The following EDAR variants were observed in gnomAD, a reference collection of about 807,000 sequenced individuals.
EDAR encodes the protein tumor necrosis factor receptor superfamily member EDAR.
In EDAR, 38 loss-of-function variants were observed where a neutral mutation model predicts 51.3. The ratio of observed to expected loss-of-function variants is 0.74; its 90% CI spans 0.57 to 0.97. The LOEUF is 0.97. Ranked by LOEUF, EDAR falls within the 50% of genes least tolerant of loss-of-function variation. The pLI, the probability that EDAR is intolerant of heterozygous loss-of-function variation, is 0.00. For missense variants in EDAR, 528 were observed against 595.0 expected (o/e 0.89, Z 1.17); for synonymous variants, 227 against 242.1 (o/e 0.94, Z 0.58).
At chr2:108,931,055 T>C in intron 1 of EDAR, 23 bp from the exon 2 acceptor site, 1 of 1,609,382 alleles carries the variant, frequency 6.2e-7, no homozygotes, top group South Asian at 1.1e-5. Flanking sequence ...CGTCATTAGC[T>C]GGGCACTGGC....
chr2:108,954,021 G>A (rs1320962211), intron 1 of EDAR, among the ~76,000 whole-genome samples: 1 of 152,230 alleles, frequency 6.6e-6, no homozygotes, highest in Non-Finnish European at 1.5e-5. Flanking sequence ...GTCAGACAAA[G>A]AGAATTAAAG....
At chr2:108,975,242 A>G (rs1698302000) in intron 1 of EDAR, among the ~76,000 whole-genome samples, 1 of 152,210 alleles carries the variant, frequency 6.6e-6, no homozygotes, top group Non-Finnish European at 1.5e-5. Flanking sequence ...CAGGGATAGC[A>G]GCTGCGGCCT....
chr2:108,912,886 G>T, intron 5 of EDAR, 122 bp from the exon 6 acceptor site: 1 of 776,914 alleles, frequency 1.3e-6, no homozygotes, highest in South Asian at 1.5e-5. Context: ...ATGGCTGAGG[G>T]GAGCTAAATA....
In EDAR at chr2:108,929,395, G is replaced by C. The variant is rs755804584; in HGVS notation, c.175-16C>G. The C allele has an allele frequency of 1.2e-6, 2 of 1,613,826 alleles. No homozygotes were observed. Among genetic ancestry groups the C allele is most frequent in the Non-Finnish European group, 1.7e-6 (2 of 1,179,852 alleles). ...AGCCACAGGACTGTCCAGGGAAAGA[G>C]GACAGGGGACACAGGTGAGTGCAGC... On this transcript the variant is annotated splice_polypyrimidine_tract_variant and intron_variant, in intron 3 of 11. Transcript: ENST00000258443.
intron 1 of EDAR, among the ~76,000 whole-genome samples, chr2:108,933,122 T>C (rs778769858): frequency 1.3e-5 from 2 of 152,140 alleles, no homozygotes; most frequent in Non-Finnish European, 2.9e-5. Flanking sequence ...ACACCTGTTG[T>C]TGGGTGAGAA....
intron 1 of EDAR, among the ~76,000 whole-genome samples, chr2:108,971,453 C>T (rs1231516877): frequency 6.6e-6 from 1 of 152,088 alleles, no homozygotes; most frequent in Non-Finnish European, 1.5e-5. Context: ...AAGGAGGACT[C>T]TCAACCCTGC....
At chr2:108,962,441 A>C (rs1482342601) in intron 1 of EDAR, among the ~76,000 whole-genome samples, 1 of 152,060 alleles carries the variant, frequency 6.6e-6, no homozygotes, top group Non-Finnish European at 1.5e-5. Flanking sequence ...TGGGAGGCCG[A>C]GGCTGGTGGA....
intron 1 of EDAR, among the ~76,000 whole-genome samples, chr2:108,985,300 T>C (rs1698478036): frequency 6.6e-6 from 1 of 152,140 alleles, no homozygotes; most frequent in Non-Finnish European, 1.5e-5. Context: ...GTGACTGTGG[T>C]TGTTATTGCC....
chr2:108,972,257 G>C (rs1352623555), intron 1 of EDAR, among the ~76,000 whole-genome samples: 2 of 152,256 alleles, frequency 1.3e-5, no homozygotes, highest in African/African-American at 4.8e-5. Context: ...CCACACCCCT[G>C]TAAGAGACCA....
chr2:108,910,280 C>T (rs1429238348), intron 9 of EDAR, among the ~76,000 whole-genome samples, 180 bp downstream of exon 9: 1 of 152,234 alleles, frequency 6.6e-6, no homozygotes, highest in East Asian at 1.9e-4. Context: ...TTTCCACAGG[C>T]TCCTCACACC....
Position 108,929,350 on chromosome 2 carries a change from G to T in EDAR, c.204C>A (p.Asp68Glu). The T allele has an allele frequency of 6.2e-7, 1 of 1,614,162 alleles. No homozygotes were observed. The highest frequency in any genetic ancestry group is 1.1e-5 in the South Asian group (1 of 91,080). ...LSCGYGTKDE[D>E]YGCVPCPAEK... ...CCGCCGGGCAGGGGACGCAGCCGTAGTCCTCGTCTTTGGTGCCGTAGCCAC... is the reference window on the plus strand; with the variant it reads ...CCGCCGGGCAGGGGACGCAGCCGTATTCCTCGTCTTTGGTGCCGTAGCCAC... The change falls in exon 4 of 12, where the codon GAC becomes GAA. Residue 68 changes from aspartate (D) to glutamate (E), a missense_variant. Physicochemically the swap from Asp to Glu is conservative, Grantham distance 45. Transcript: ENST00000258443.
intron 1 of EDAR, among the ~76,000 whole-genome samples, chr2:108,952,193 C>A (rs143794537): frequency 8.3e-4 from 126 of 152,252 alleles, no homozygotes; most frequent in Middle Eastern, 3.4e-3. Context: ...CAGGTATGAG[C>A]ACCATGTGTG....
At chr2:108,951,318 C>G (rs1177547559) in intron 1 of EDAR, among the ~76,000 whole-genome samples, 1 of 152,218 alleles carries the variant, frequency 6.6e-6, no homozygotes, top group African/African-American at 2.4e-5. Flanking sequence ...TGAAGAAACT[C>G]TGAACTTAGC....
At chr2:108,952,444 G>T (rs537481080) in intron 1 of EDAR, among the ~76,000 whole-genome samples, 2 of 152,318 alleles carry the variant, frequency 1.3e-5, no homozygotes, top group East Asian at 3.9e-4. Flanking sequence ...GATTAGGAAG[G>T]TTCAATTGAT....
intron 1 of EDAR, among the ~76,000 whole-genome samples, chr2:108,961,023 T>C (rs77123706): frequency 1.5e-3 from 225 of 152,262 alleles, no homozygotes; most frequent in African/African-American, 5.4e-3. Context: ...AGAGTCCCAG[T>C]GGTAGAACTG....
At chr2:108,927,808 C>A (rs1697287529) in intron 4 of EDAR, among the ~76,000 whole-genome samples, 1 of 152,188 alleles carries the variant, frequency 6.6e-6, no homozygotes, top group African/African-American at 2.4e-5. Context: ...CTCCACCTCC[C>A]CACCAAGCAC....
At chr2:108,910,876 G>A in intron 7 of EDAR, 26 bp from the exon 8 acceptor site, 2 of 1,614,088 alleles carry the variant, frequency 1.2e-6, no homozygotes, top group South Asian at 2.2e-5. Flanking sequence ...GGAGTGAGCA[G>A]CCAGGCTCTC....
At chr2:108,907,728 G>T in intron 10 of EDAR, 132 bp downstream of exon 10, 1 of 1,018,396 alleles carries the variant, frequency 9.8e-7, no homozygotes, top group Non-Finnish European at 1.5e-6. Flanking sequence ...TCACTGTCCA[G>T]GTCTCCTATC....
intron 1 of EDAR, among the ~76,000 whole-genome samples, chr2:108,980,377 C>T (rs181672762): frequency 2.0e-4 from 31 of 152,212 alleles, no homozygotes; most frequent in Non-Finnish European, 4.1e-4. Context: ...GCCACTAATG[C>T]TCTGGTGGGC....
Sources: gnomAD v4.1 joint callset for allele counts (sites outside exome capture counted in the v4.1 genomes callset) on GRCh38, gnomAD v4.1.1 for gene constraint, MANE v1.5 for transcripts, NCBI Gene and HGNC (gene_info 2026-07-23, HGNC 2026-07-21) for gene names.